Variants in SPPL2A observed in about 807,000 individuals in gnomAD.
SPPL2A encodes signal peptide peptidase like 2A.
Under a neutral mutation model 63.8 loss-of-function variants are expected in SPPL2A, and 51 were observed. The observed-to-expected ratio is 0.80, with a 90% CI of 0.64 to 1.01. SPPL2A has a LOEUF of 1.01. Among genes scored for constraint, SPPL2A ranks in the 50% least tolerant of loss-of-function variants. The probability of loss-of-function intolerance (pLI) is 0.00; values close to 1 mark genes in which losing one functional copy is unlikely to be tolerated. For missense variants in SPPL2A, 553 were observed against 622.7 expected, an observed-to-expected ratio of 0.89 and a Z score of 1.19; for synonymous variants, 188 against 205.8, an observed-to-expected ratio of 0.91 and a Z score of 0.74.
intron 1 of SPPL2A, among the ~76,000 whole-genome samples, chr15:50,761,101 T>G (rs897858617): frequency 1.3e-5 from 2 of 152,028 alleles, no homozygotes; most frequent in Non-Finnish European, 2.9e-5. Context: ...CCTCAAACTC[T>G]TGAGCTTAAG....
chr15:50,710,440 C>G (rs867573672), intron 14 of SPPL2A, among the ~76,000 whole-genome samples: 11 of 152,154 alleles, frequency 7.2e-5, no homozygotes, highest in Non-Finnish European at 1.5e-4. Context: ...TCCCTATTTA[C>G]TTTTCTTTAC....
rs11312848 is a variant in SPPL2A, at chr15:50,707,532, A to AT, written c.*267dup. On this transcript the variant is annotated 3_prime_UTR_variant, in exon 15 of 15. Transcript: ENST00000261854. ...AAAAAGTATAGGGGTGGGTCAAGGC[A>AT]TTTTTTTTTAGAAAAATATACTGTA... The AT allele has an allele frequency of 7.0e-4, 213 of 304,356 alleles. No individual in the cohort carries two copies. Among genetic ancestry groups the AT allele is most frequent in the East Asian group, 2.6e-3 (48 of 18,198 alleles). The allele number at this position is 304,356 out of a possible 1,614,324, so 18.9% of individuals were successfully genotyped here. A position where few individuals can be genotyped will look rare whatever the true frequency, so the allele number is the denominator to read the frequency against.
At position 50,733,441 on chromosome 15, in the gene SPPL2A, G is replaced by A. The variant is rs147554442; in HGVS notation, c.933-757C>T. 1.2e-3 allele frequency among the ~76,000 whole-genome samples: 180 copies of A among 151,766 alleles called. 2 individuals carry two copies. The East Asian group carries it at 0.032, about 27-fold the overall frequency. ...ATTTTCTTATATCCCCCTCTTTCTT[G>A]CATAAAAGACAGCATACTCTATATA... On this transcript the variant is annotated intron_variant, in intron 8 of 14. Transcript: ENST00000261854.
intron 1 of SPPL2A, among the ~76,000 whole-genome samples, chr15:50,763,874 G>T (rs944311163): frequency 6.6e-6 from 1 of 152,202 alleles, no homozygotes; most frequent in African/African-American, 2.4e-5. Context: ...CTCCAGCCTG[G>T]GCGACAGAGT....
Position 50,703,356 on chromosome 15 carries a change from A to ATATATTT in SPPL2A, c.*4443_*4444insAAATATA, listed in dbSNP as rs1196710672. 9.7e-5 allele frequency: 6 copies of ATATATTT among 62,042 alleles called. No individual in the cohort carries two copies. The highest frequency in any genetic ancestry group is 1.4e-4 in the Non-Finnish European group (5 of 35,138). The allele number at this position is 62,042 out of a possible 1,614,324, so 3.8% of individuals were successfully genotyped here. On this transcript the variant is annotated 3_prime_UTR_variant, in exon 15 of 15. Coordinates refer to ENST00000261854, the MANE Select transcript of SPPL2A (RefSeq NM_032802.4). ...TATATATATATATATACATATATAT[A>ATATATTT]TTTTTTTTTTTTTTTTTTTTTTTTG...
intron 6 of SPPL2A, 140 bp from the exon 7 acceptor site, chr15:50,736,880 T>C: frequency 2.0e-6 from 1 of 509,812 alleles, no homozygotes. Context: ...CCTGAATTAC[T>C]TACTAAGCTG....
chr15:50,732,560 T>A (rs954339492), intron 9 of SPPL2A, 43 bp downstream of exon 9: 2 of 1,259,432 alleles, frequency 1.6e-6, no homozygotes, highest in African/African-American at 3.1e-5. Context: ...AGTTGTCTTT[T>A]AAAAATTTAT....
rs750969318 is a variant in SPPL2A, at chr15:50,720,517, C to CTTT, written c.1328-420_1328-418dup. Among the ~76,000 whole-genome samples the CTTT allele has an allele frequency of 2.7e-3, 290 of 105,574 alleles. 1 individual carries two copies. The highest frequency in any genetic ancestry group is 8.7e-3 in the South Asian group (28 of 3,204). 69.3% of individuals were successfully genotyped at this position (105,574 alleles called of 152,430 possible). A position where few individuals can be genotyped will look rare whatever the true frequency, so the allele number is the denominator to read the frequency against. On this transcript the variant is annotated intron_variant, in intron 13 of 14. Coordinates refer to ENST00000261854, the MANE Select transcript of SPPL2A (RefSeq NM_032802.4). ...AATAAGCACATACTTTTGAACTTTT[C>CTTT]TTTTTTTTTTTTTTTTTTCGAAATG...
At chr15:50,736,835 T>G in intron 6 of SPPL2A, 95 bp from the exon 7 acceptor site, 1 of 614,252 alleles carries the variant, frequency 1.6e-6, no homozygotes, top group South Asian at 2.1e-5. Context: ...CTTTCTTTAT[T>G]GAATCATACT....
At chr15:50,723,286 T>G (rs915982229) in intron 12 of SPPL2A, among the ~76,000 whole-genome samples, 5 of 152,174 alleles carry the variant, frequency 3.3e-5, no homozygotes, top group Admixed American at 1.3e-4. Flanking sequence ...TACCATTAGG[T>G]CTAATAATCC....
intron 6 of SPPL2A, among the ~76,000 whole-genome samples, chr15:50,738,267 G>A (rs2062789050): frequency 6.6e-6 from 1 of 151,650 alleles, no homozygotes; most frequent in African/African-American, 2.4e-5. Flanking sequence ...AACTGAATGA[G>A]GCTGGGTGCG....
At chr15:50,749,437 G>A (rs1334634582) in intron 2 of SPPL2A, among the ~76,000 whole-genome samples, 199 bp downstream of exon 2, 1 of 152,024 alleles carries the variant, frequency 6.6e-6, no homozygotes, top group Non-Finnish European at 1.5e-5. Context: ...ACAGGCGCCT[G>A]CCACCACACC....
chr15:50,753,841 G>C (rs918033743), intron 1 of SPPL2A, among the ~76,000 whole-genome samples: 1 of 151,994 alleles, frequency 6.6e-6, no homozygotes, highest in Admixed American at 6.6e-5. Context: ...CTAAAGCCCA[G>C]GCTGGAGTGC....
chr15:50,724,007 T>C (rs1277789175), intron 12 of SPPL2A, among the ~76,000 whole-genome samples: 3 of 152,192 alleles, frequency 2.0e-5, no homozygotes, highest in South Asian at 4.1e-4. Context: ...AAGTTCTATA[T>C]AGAAGATCTT....
At chr15:50,762,411 T>C (rs190994438) in intron 1 of SPPL2A, among the ~76,000 whole-genome samples, 3 of 151,682 alleles carry the variant, frequency 2.0e-5, no homozygotes, top group African/African-American at 7.2e-5. Context: ...AATGTACTTA[T>C]GGCAAGGTCA....
At chr15:50,747,174 A>C (rs1231579036) in intron 5 of SPPL2A, among the ~76,000 whole-genome samples, 1 of 152,138 alleles carries the variant, frequency 6.6e-6, no homozygotes, top group Non-Finnish European at 1.5e-5. Flanking sequence ...TCTCTTGCTT[A>C]TTTTCTTCCA....
chr15:50,765,443 C>T (rs1038412670), intron 1 of SPPL2A, 25 bp downstream of exon 1: 142 of 1,495,852 alleles, frequency 9.5e-5, no homozygotes, highest in Non-Finnish European at 1.2e-4. Context: ...CCCTGGGAGG[C>T]CTGCGCGCCT....
chr15:50,739,812 C>T lies in SPPL2A; in HGVS notation c.601G>A (p.Val201Met). Residue 201 changes from valine to methionine, a missense_variant, in exon 6 of 15, where the codon GTG becomes ATG. Transcript: ENST00000261854. The part of the protein sequence containing the change: ...GLVELENLKA[V>M]TTEDREMRKK... ...CTCATTTCTCTATCTTCAGTTGTCA[C>T]TGCTTTCAAGTTTTCCCTGTACAAA... is the stretch of plus-strand genomic sequence containing the variant. 1.9e-6 allele frequency: 3 copies of T among 1,601,906 alleles called. No individual in the cohort carries two copies. The highest frequency in any genetic ancestry group is 2.5e-6 in the Non-Finnish European group (3 of 1,177,046).
intron 1 of SPPL2A, among the ~76,000 whole-genome samples, chr15:50,753,241 T>C (rs988628733): frequency 6.6e-6 from 1 of 152,162 alleles, no homozygotes; most frequent in African/African-American, 2.4e-5. Context: ...GCCCCTACAA[T>C]GTATCTGTGC....
Sources: allele counts gnomAD v4.1 joint callset (sites outside exome capture counted in the v4.1 genomes callset), GRCh38; gene constraint gnomAD v4.1.1; transcripts MANE v1.5; gene names NCBI Gene and HGNC (gene_info 2026-07-23, HGNC 2026-07-21).